Variants in PEX1 observed in about 807,000 individuals in gnomAD.
The protein encoded by PEX1 is peroxisomal ATPase PEX1.
Under a neutral mutation model 152.5 loss-of-function variants are expected in PEX1, and 97 were observed. That is an observed-to-expected ratio of 0.64 (90% confidence interval 0.54 to 0.75). The LOEUF (loss-of-function observed/expected upper bound fraction) is 0.75, where lower values mean the gene tolerates loss of function less well. PEX1 is among the 30% of genes least tolerant of loss of function. The probability of loss-of-function intolerance (pLI) is 0.00; values close to 1 mark genes in which losing one functional copy is unlikely to be tolerated. For synonymous variants in PEX1, 485 were observed against 531.6 expected, an observed-to-expected ratio of 0.91 and a Z score of 1.21; for missense variants, 1,357 against 1,516.3, an observed-to-expected ratio of 0.89 and a Z score of 1.74.
At position 92,503,146 on chromosome 7, in the gene PEX1, T is replaced by C. The variant is rs771334207; in HGVS notation, c.2121A>G (p.Ala707=). The change falls in exon 13 of 24, where the codon GCA becomes GCG. Residue 707 remains alanine (A), a synonymous_variant. Coordinates refer to ENST00000248633, the MANE Select transcript of PEX1 (RefSeq NM_000466.3). ...KEFISMGSLV[A]LIATSQSQQS... ...GCTGAGACTGACTTGTGGCAATCAG[T>C]GCAACCAAACTTCCCATGGAGATAA... 3.1e-6 allele frequency: 5 copies of C among 1,613,720 alleles called. No individual in the cohort carries two copies. In the African/African-American group the frequency reaches 6.7e-5, roughly 22 times the overall value.
chr7:92,524,226 T>C (rs1222307044), intron 1 of PEX1, among the ~76,000 whole-genome samples: 1 of 151,694 alleles, frequency 6.6e-6, no homozygotes, highest in African/African-American at 2.4e-5. Flanking sequence ...GTGCTGGGAT[T>C]ACAGGCATGA....
At position 92,501,931 on chromosome 7, in the gene PEX1, A is replaced by G. The variant is rs747899377; in HGVS notation, c.2375T>C (p.Ile792Thr). 35 of 1,613,920 alleles carry G rather than the reference A, an allele frequency of 2.2e-5. No homozygotes were observed. The highest frequency in any genetic ancestry group is 6.7e-5 in the Admixed American group (4 of 59,996). Reference protein sequence around the residue: ...RDFTVLVDRAIHSRLSRQSIS... With the variant: ...RDFTVLVDRATHSRLSRQSIS... ...ACTCTGACGAGAGAGTCGAGAATGT[A>G]TGGCTCGATCCACAAGTACTGTAAA... The change falls in exon 14 of 24, where the codon ATA becomes ACA. Residue 792 changes from isoleucine to threonine, a missense_variant. By Grantham distance (89) the Ile-to-Thr change is moderately conservative (BLOSUM62 -1). Transcript: ENST00000248633.
At chr7:92,504,405 A>G (rs986078946) in intron 12 of PEX1, among the ~76,000 whole-genome samples, 7 of 152,100 alleles carry the variant, frequency 4.6e-5, no homozygotes, top group Non-Finnish European at 5.9e-5. Flanking sequence ...TTTCTCCTAG[A>G]ATTTGAGAAT....
intron 14 of PEX1, 71 bp downstream of exon 14, chr7:92,501,819 G>T: frequency 1.4e-6 from 2 of 1,438,624 alleles, no homozygotes; most frequent in Non-Finnish European, 2.0e-6. Context: ...TTTAATTCTT[G>T]TCTTACTACA....
At chr7:92,514,090 A>G (rs888374564) in intron 5 of PEX1, 123 bp from the exon 6 acceptor site, 33 of 655,704 alleles carry the variant, frequency 5.0e-5, no homozygotes, top group Non-Finnish European at 7.4e-5. Context: ...AGCTATCATA[A>G]TAACTCATAG....
chr7:92,503,294 T>C (rs1333503153), intron 12 of PEX1, 99 bp from the exon 13 acceptor site: 34 of 1,032,804 alleles, frequency 3.3e-5, no homozygotes, highest in Non-Finnish European at 4.8e-5. Context: ...AGGTTGACCT[T>C]TAAGGTGCAG....
At chr7:92,506,886 A>G (rs1028177747) in intron 10 of PEX1, 108 bp downstream of exon 10, 1 of 1,050,598 alleles carries the variant, frequency 9.5e-7, no homozygotes. Context: ...AACCCTATAT[A>G]ATAGATGGTC....
In PEX1 at chr7:92,528,493, C is replaced by CG; in HGVS notation, c.-59dup. The CG allele has an allele frequency of 2.7e-6, 4 of 1,502,550 alleles. No homozygotes were observed. The highest frequency in any genetic ancestry group is 1.3e-5 in the South Asian group (1 of 78,906). 93.1% of individuals were successfully genotyped at this position (1,502,550 alleles called of 1,614,324 possible). A position where few individuals can be genotyped will look rare whatever the true frequency, so the allele number is the denominator to read the frequency against. ...CTAGCGCCGCAAAGGACCCGGGACC[C>CG]GGCAGGCCGAGGACGTCGGAGCCGG... On this transcript the variant is annotated 5_prime_UTR_variant, in exon 1 of 24. Coordinates refer to ENST00000248633, the MANE Select transcript of PEX1 (RefSeq NM_000466.3).
Position 92,528,373 on chromosome 7 carries a change from GA to G in PEX1, c.62del (p.Phe21SerfsTer27). On this transcript the variant is annotated frameshift_variant, in exon 1 of 24. Transcript: ENST00000248633. LOFTEE classifies it high-confidence loss of function. Reference protein sequence around the residue: ...GGGGAAVTVAFTNARDCFLHL... With the variant: ...GGGGAAVTVAXTNARDCFLHL... ...GGAGGAAGCAGTCGCGAGCGTTGGT[GA>G]AGGCCACAGTCACTGCCGCCCCGCC... 1 of 1,592,186 alleles carries G rather than the reference GA, an allele frequency of 6.3e-7. No homozygotes were observed. The highest frequency in any genetic ancestry group is 1.1e-5 in the South Asian group (1 of 88,390).
chr7:92,509,245 C>G (rs890702290), intron 9 of PEX1, 84 bp downstream of exon 9: 1 of 877,954 alleles, frequency 1.1e-6, no homozygotes, highest in Admixed American at 1.8e-5. Flanking sequence ...ACATTAACAT[C>G]TACTTTAATA....
rs933340943 is a variant in PEX1, at chr7:92,501,729, C to A, written c.2417-56G>T. 2.0e-6 allele frequency: 3 copies of A among 1,470,070 alleles called. No individual in the cohort carries two copies. In the African/African-American group the frequency reaches 4.2e-5, roughly 21 times the overall value. 91.1% of individuals were successfully genotyped at this position (1,470,070 alleles called of 1,614,324 possible). On this transcript the variant is annotated intron_variant, in intron 14 of 23. Coordinates refer to ENST00000248633, the MANE Select transcript of PEX1 (RefSeq NM_000466.3). The stretch of plus-strand genomic sequence containing the variant: ...TAGTTATATTCACTATATGAATTTT[C>A]AAAATATGCCATCATCTTAGCTGGA...
chr7:92,503,689 T>C (rs1313343530), intron 12 of PEX1, among the ~76,000 whole-genome samples: 8 of 152,094 alleles, frequency 5.3e-5, no homozygotes, highest in Admixed American at 5.2e-4. Context: ...TGTCCTGACC[T>C]AGAAATCTGC....
chr7:92,510,950 TGTA>T lies in PEX1; in HGVS notation c.1578_1580del (p.Thr527del). 2.1e-6 allele frequency: 3 copies of T among 1,443,082 alleles called. No homozygotes were observed. Among genetic ancestry groups the T allele is most frequent in the Non-Finnish European group, 2.9e-6 (3 of 1,025,372 alleles). 89.4% of individuals were successfully genotyped at this position (1,443,082 alleles called of 1,614,324 possible). A position where few individuals can be genotyped will look rare whatever the true frequency, so the allele number is the denominator to read the frequency against. On this transcript the variant is annotated inframe_deletion, in exon 8 of 24. Transcript: ENST00000248633. ...TTCAATAACATGCTATTACTTGTATTGTAGTCTTCTGCAGCAAATTGGGACTCA... is the reference window on the plus strand; with the variant it reads ...TTCAATAACATGCTATTACTTGTATTGTCTTCTGCAGCAAATTGGGACTCA...
intron 19 of PEX1, 39 bp downstream of exon 19, chr7:92,494,254 C>T (rs1211277584): frequency 1.4e-6 from 2 of 1,392,526 alleles, no homozygotes; most frequent in East Asian, 2.3e-5. Context: ...AAGAGTGTAG[C>T]ATTTGTTGGG....
chr7:92,499,894 TAA>T, intron 15 of PEX1, 56 bp from the exon 16 acceptor site: 26 of 1,415,714 alleles, frequency 1.8e-5, no homozygotes, highest in Non-Finnish European at 2.6e-5. Context: ...CAGAAATGAC[TAA>T]GTAGCAGCTA....
intron 1 of PEX1, among the ~76,000 whole-genome samples, chr7:92,525,463 C>T (rs1793224195): frequency 6.6e-6 from 1 of 152,232 alleles, no homozygotes; most frequent in Non-Finnish European, 1.5e-5. Context: ...CCCCCTGCTG[C>T]AATCACATCA....
intron 2 of PEX1, among the ~76,000 whole-genome samples, chr7:92,521,201 A>C (rs1046621882): frequency 3.3e-5 from 5 of 152,160 alleles, no homozygotes; most frequent in Non-Finnish European, 7.4e-5. Context: ...CGTGGCCTCA[A>C]GTGGTCCTCC....
intron 4 of PEX1, 25 bp from the exon 5 acceptor site, chr7:92,518,067 G>C: frequency 1.2e-6 from 2 of 1,613,650 alleles, no homozygotes; most frequent in Non-Finnish European, 1.7e-6. Context: ...AAGCTCATTA[G>C]TGCACATTCA....
At chr7:92,497,784 G>T (rs1791723196) in intron 16 of PEX1, among the ~76,000 whole-genome samples, 1 of 151,974 alleles carries the variant, frequency 6.6e-6, no homozygotes, top group Non-Finnish European at 1.5e-5. Flanking sequence ...AATAACTAAG[G>T]CAAGACCGGG....
Sources: gnomAD v4.1 joint callset for allele counts (sites outside exome capture counted in the v4.1 genomes callset) on GRCh38, gnomAD v4.1.1 for gene constraint, MANE v1.5 for transcripts, NCBI Gene and HGNC (gene_info 2026-07-23, HGNC 2026-07-21) for gene names.